The following THSD7B variants were observed in gnomAD, a reference collection of about 807,000 sequenced individuals.
THSD7B encodes the protein thrombospondin type 1 domain containing 7B, also known as thrombospondin type-1 domain-containing protein 7B.
In THSD7B, 138 loss-of-function variants were observed where a neutral mutation model predicts 213.6. That is an observed-to-expected ratio of 0.65 (90% CI 0.56 to 0.74). The LOEUF (loss-of-function observed/expected upper bound fraction) is 0.74, where lower values mean the gene tolerates loss of function less well. Among genes scored for constraint, THSD7B ranks in the 30% least tolerant of loss-of-function variants. The probability of loss-of-function intolerance (pLI) is 0.00; values close to 1 mark genes in which losing one functional copy is unlikely to be tolerated. For missense variants in THSD7B, 1,931 were observed against 1,991.5 expected (o/e 0.97, Z 0.58); for synonymous variants, 742 against 687.0 (o/e 1.08, Z -1.25).
chr2:137,103,653 C>A (rs116350855), intron 4 of THSD7B, among the ~76,000 whole-genome samples: 5,192 of 151,106 alleles, frequency 0.034, 286 homozygotes, highest in African/African-American at 0.12. Context: ...CACATACAGA[C>A]ACACATAGGC....
intron 12 of THSD7B, among the ~76,000 whole-genome samples, chr2:137,324,434 T>C (rs1168951561): frequency 6.6e-6 from 1 of 150,728 alleles, no homozygotes; most frequent in African/African-American, 2.4e-5. Flanking sequence ...ACATTCATGT[T>C]TATTTCATTC....
intron 12 of THSD7B, among the ~76,000 whole-genome samples, chr2:137,337,490 A>C (rs553979149): frequency 5.3e-5 from 8 of 152,204 alleles, no homozygotes; most frequent in East Asian, 3.9e-4. Flanking sequence ...ATTAATTTTG[A>C]TCACTTTGTT....
At chr2:137,295,118 G>T (rs1683429432) in intron 12 of THSD7B, among the ~76,000 whole-genome samples, 1 of 151,866 alleles carries the variant, frequency 6.6e-6, no homozygotes, top group Admixed American at 6.6e-5. Context: ...TCCTAGTTGA[G>T]TTTACAATTG....
chr2:137,004,456 T>G (rs997834941), intron 2 of THSD7B, among the ~76,000 whole-genome samples: 3 of 152,206 alleles, frequency 2.0e-5, no homozygotes, highest in Non-Finnish European at 4.4e-5. Context: ...TATGGGTTCA[T>G]AGTTACCAAA....
At chr2:136,916,716 T>C (rs1044740387) in intron 2 of THSD7B, among the ~76,000 whole-genome samples, 27 of 152,342 alleles carry the variant, frequency 1.8e-4, no homozygotes, top group South Asian at 8.3e-4. Context: ...TTCCCTTGCC[T>C]CCTTTTTGAT....
intron 1 of THSD7B, among the ~76,000 whole-genome samples, chr2:136,847,494 C>T (rs937712455): frequency 6.6e-6 from 1 of 152,118 alleles, no homozygotes; most frequent in Admixed American, 6.6e-5. Context: ...GGAGGGGCCC[C>T]ATGGCTTTCT....
At chr2:137,191,774 G>A (rs1393145091) in intron 7 of THSD7B, among the ~76,000 whole-genome samples, 1 of 152,004 alleles carries the variant, frequency 6.6e-6, no homozygotes, top group Non-Finnish European at 1.5e-5. Flanking sequence ...GGCTTACACA[G>A]CCCTACTTCA....
At chr2:136,832,759 A>T (rs1682776725) in intron 1 of THSD7B, among the ~76,000 whole-genome samples, 1 of 152,194 alleles carries the variant, frequency 6.6e-6, no homozygotes, top group African/African-American at 2.4e-5. Context: ...GCTGGTCCAG[A>T]TGGTATCAAT....
chr2:137,332,049 G>T (rs1684524661), intron 12 of THSD7B, among the ~76,000 whole-genome samples: 1 of 152,148 alleles, frequency 6.6e-6, no homozygotes, highest in African/African-American at 2.4e-5. Flanking sequence ...CCAGAAAGGG[G>T]CTCCCACAGT....
chr2:137,219,157 G>T (rs912064385), intron 7 of THSD7B, among the ~76,000 whole-genome samples: 4 of 152,016 alleles, frequency 2.6e-5, no homozygotes, highest in Non-Finnish European at 5.9e-5. Flanking sequence ...GACAAAACTA[G>T]TCATTAGACC....
intron 15 of THSD7B, among the ~76,000 whole-genome samples, chr2:137,556,029 A>G (rs1038681198): frequency 6.6e-6 from 1 of 152,230 alleles, no homozygotes; most frequent in African/African-American, 2.4e-5. Flanking sequence ...CCTCCAAGAA[A>G]TATGGGAATA....
intron 22 of THSD7B, among the ~76,000 whole-genome samples, 193 bp downstream of exon 22, chr2:137,655,853 A>T (rs990737837): frequency 1.3e-5 from 2 of 152,210 alleles, no homozygotes; most frequent in African/African-American, 4.8e-5. Context: ...AGAAAAAAAA[A>T]GGCACTGGAT....
chr2:137,407,182 A>G (rs1053573805), intron 13 of THSD7B, among the ~76,000 whole-genome samples: 1 of 152,152 alleles, frequency 6.6e-6, no homozygotes, highest in Non-Finnish European at 1.5e-5. Flanking sequence ...TACAACCAGT[A>G]CCATTTTTGT....
intron 3 of THSD7B, among the ~76,000 whole-genome samples, chr2:137,083,802 A>G (rs1396840115): frequency 3.9e-5 from 6 of 152,100 alleles, no homozygotes; most frequent in African/African-American, 4.8e-5. Flanking sequence ...CCTTGTAATT[A>G]TGCTATAATT....
intron 12 of THSD7B, among the ~76,000 whole-genome samples, chr2:137,299,623 C>T (rs1193502271): frequency 6.6e-6 from 1 of 151,976 alleles, no homozygotes; most frequent in African/African-American, 2.4e-5. Context: ...CAGTTACCAG[C>T]TTATTTATTA....
At chr2:137,250,615 G>A (rs767119657) in intron 10 of THSD7B, among the ~76,000 whole-genome samples, 18 of 152,172 alleles carry the variant, frequency 1.2e-4, no homozygotes, top group Admixed American at 2.0e-4. Context: ...ATGATCCTGC[G>A]TTTCAGGCTG....
At position 137,356,967 on chromosome 2, in the gene THSD7B, G is replaced by GACAC. The variant is rs3048465; in HGVS notation, c.2501-48611_2501-48608dup. Among the ~76,000 whole-genome samples the GACAC allele has an allele frequency of 8.7e-3, 1,232 of 140,942 alleles. 11 individuals carry two copies. Among genetic ancestry groups the GACAC allele is most frequent in the South Asian group, 0.028 (121 of 4,254 alleles). The allele number at this position is 140,942 out of a possible 152,430, so 92.5% of individuals were successfully genotyped here. On this transcript the variant is annotated intron_variant, in intron 12 of 27. Coordinates refer to ENST00000409968, the MANE Select transcript of THSD7B (RefSeq NM_001316349.2). ...ACACATACACACACACACACACACA[G>GACAC]ACACACACACACACACACACACACA...
chr2:137,641,153 C>A (rs538316181), intron 20 of THSD7B, among the ~76,000 whole-genome samples: 7 of 152,320 alleles, frequency 4.6e-5, no homozygotes, highest in African/African-American at 1.4e-4. Context: ...TCTTTGACAT[C>A]AACTAAAAGA....
At chr2:136,984,828 A>G (rs1202713663) in intron 2 of THSD7B, among the ~76,000 whole-genome samples, 4 of 152,166 alleles carry the variant, frequency 2.6e-5, no homozygotes, top group Non-Finnish European at 5.9e-5. Context: ...TGATAGAAAA[A>G]TGGACAGCGA....
Sources: allele counts gnomAD v4.1 joint callset (sites outside exome capture counted in the v4.1 genomes callset), GRCh38; gene constraint gnomAD v4.1.1; transcripts MANE v1.5; gene names NCBI Gene and HGNC (gene_info 2026-07-23, HGNC 2026-07-21).